Variants in EIF3E observed in about 807,000 individuals in gnomAD.
EIF3E encodes eIF-3 p48.
Under a neutral mutation model 59.3 loss-of-function variants are expected in EIF3E, and 25 were observed. The observed-to-expected ratio is 0.42, with a 90% confidence interval of 0.31 to 0.59. The LOEUF is 0.59. Among genes scored for constraint, EIF3E ranks in the 20% least tolerant of loss-of-function variants. The probability of loss-of-function intolerance (pLI) is 0.15; values close to 1 mark genes in which losing one functional copy is unlikely to be tolerated. For synonymous variants in EIF3E, 176 were observed against 170.2 expected, an observed-to-expected ratio of 1.03 and a Z score of -0.26; for missense variants, 317 against 534.3, an observed-to-expected ratio of 0.59 and a Z score of 4.01.
At chr8:108,229,787 A>G (rs529885858) in intron 5 of EIF3E, among the ~76,000 whole-genome samples, 29 of 152,216 alleles carry the variant, frequency 1.9e-4, no homozygotes, top group South Asian at 4.1e-4. Flanking sequence ...CAAAAACCCT[A>G]TATTTTTTTA....
At chr8:108,215,009 T>C (rs547270753) in intron 9 of EIF3E, among the ~76,000 whole-genome samples, 3 of 152,218 alleles carry the variant, frequency 2.0e-5, no homozygotes, top group Non-Finnish European at 4.4e-5. Flanking sequence ...GATAATGTTA[T>C]CTCTTCCAAC....
chr8:108,245,785 C>T (rs978801328), intron 1 of EIF3E, among the ~76,000 whole-genome samples: 1 of 152,132 alleles, frequency 6.6e-6, no homozygotes, highest in African/African-American at 2.4e-5. Context: ...CATAAAAAGC[C>T]TTTATGCCAG....
At chr8:108,239,767 C>A (rs1815801823) in intron 3 of EIF3E, among the ~76,000 whole-genome samples, 191 bp downstream of exon 3, 1 of 152,016 alleles carries the variant, frequency 6.6e-6, no homozygotes, top group Non-Finnish European at 1.5e-5. Flanking sequence ...AGGAAAAAAA[C>A]TTAGTGTTAA....
intron 7 of EIF3E, among the ~76,000 whole-genome samples, chr8:108,220,021 T>C (rs1007547991): frequency 8.6e-5 from 13 of 151,996 alleles, no homozygotes; most frequent in South Asian, 2.1e-4. Context: ...CAGGCACCTG[T>C]AATCCCTGCT....
chr8:108,233,958 C>T (rs143483107), intron 5 of EIF3E, among the ~76,000 whole-genome samples: 6 of 150,934 alleles, frequency 4.0e-5, no homozygotes, highest in African/African-American at 1.5e-4. Context: ...GTTTTGATAA[C>T]TGTAGAAGGC....
chr8:108,236,460 G>T (rs1815731182), intron 3 of EIF3E, among the ~76,000 whole-genome samples: 1 of 152,172 alleles, frequency 6.6e-6, no homozygotes, highest in Non-Finnish European at 1.5e-5. Context: ...CCACAACTAA[G>T]GTAAGGCCTT....
chr8:108,203,423 T>C lies in EIF3E; in HGVS notation c.1142A>G (p.Asp381Gly), dbSNP rs1815032413. Residue 381 changes from aspartate to glycine, a missense_variant, in exon 11 of 13, where the codon GAT (aspartate) becomes GGT (glycine). Asp to Gly is a moderately conservative substitution (Grantham distance 94, BLOSUM62 -1). Transcript: ENST00000220849. The stretch of plus-strand genomic sequence containing the variant: ...CACTAATTTAGAATCAATCTTGGCA[T>C]CCAGTCTTGCATTTCTAATCAAATT... ...IVNLIRNARL[D>G]AKIDSKLGHV... The C allele has an allele frequency of 1.2e-6, 2 of 1,612,016 alleles. No homozygotes were observed. Among genetic ancestry groups the C allele is most frequent in the Non-Finnish European group, 1.7e-6 (2 of 1,178,824 alleles).
chr8:108,204,708 T>G (rs1815057966), intron 10 of EIF3E, among the ~76,000 whole-genome samples: 1 of 146,450 alleles, frequency 6.8e-6, no homozygotes, highest in Admixed American at 6.9e-5. Flanking sequence ...TCCCTGGAGC[T>G]ATATACTATA....
In EIF3E at chr8:108,211,341, T is replaced by C. The variant is rs371590645; in HGVS notation, c.1061+3266A>G. On this transcript the variant is annotated intron_variant, in intron 10 of 12. Transcript: ENST00000220849. ...GTGGTTTTGATTTGCATTTCTCTGA[T>C]GGCCAGTGATGATGAGCATTTTTTC... 9.2e-5 allele frequency among the ~76,000 whole-genome samples: 14 copies of C among 152,340 alleles called. No homozygotes were observed. In the East Asian group the frequency reaches 2.3e-3, roughly 25 times the overall value.
At chr8:108,228,058 C>T (rs557134917) in intron 7 of EIF3E, 12 of 397,414 alleles carry the variant, frequency 3.0e-5, no homozygotes, top group Non-Finnish European at 5.2e-5. Flanking sequence ...CTTTAAATAG[C>T]ACTTTAAAAG....
intron 4 of EIF3E, 23 bp from the exon 5 acceptor site, chr8:108,235,125 A>T: frequency 6.9e-7 from 1 of 1,439,192 alleles, no homozygotes; most frequent in Non-Finnish European, 9.4e-7. Context: ...AAAAAAGATT[A>T]AGTTCTCTTT....
intron 10 of EIF3E, among the ~76,000 whole-genome samples, chr8:108,211,823 T>C (rs1475472405): frequency 6.6e-6 from 1 of 152,158 alleles, no homozygotes; most frequent in Admixed American, 6.5e-5. Context: ...TAAATCTGAT[T>C]CAATGGTTTA....
chr8:108,202,051 A>G, intron 12 of EIF3E, 128 bp from the exon 13 acceptor site: 1 of 742,590 alleles, frequency 1.3e-6, no homozygotes, highest in Non-Finnish European at 2.0e-6. Flanking sequence ...CTAAGATCTT[A>G]ACTCCTGCAA....
At chr8:108,204,846 T>C (rs1815069882) in intron 10 of EIF3E, among the ~76,000 whole-genome samples, 1 of 148,734 alleles carries the variant, frequency 6.7e-6, no homozygotes, top group Non-Finnish European at 1.5e-5. Context: ...GACCAGACCA[T>C]GAAGATCTTG....
chr8:108,244,234 A>C (rs867342545), intron 1 of EIF3E, among the ~76,000 whole-genome samples: 4 of 152,340 alleles, frequency 2.6e-5, no homozygotes, highest in Middle Eastern at 6.8e-3. Context: ...TTGGGGTATA[A>C]AGTTAATATT....
intron 10 of EIF3E, among the ~76,000 whole-genome samples, chr8:108,212,954 C>T (rs1391438308): frequency 6.6e-6 from 1 of 152,058 alleles, no homozygotes; most frequent in East Asian, 1.9e-4. Context: ...TGGAAAGCCA[C>T]TAGGACTTTA....
chr8:108,242,740 AAGAT>A (rs1471638945), intron 1 of EIF3E: 11 of 936,368 alleles, frequency 1.2e-5, no homozygotes, highest in Admixed American at 5.3e-5. Context: ...AAATGGCTAA[AAGAT>A]AGGCACTTCG....
chr8:108,203,209 TAATGC>T, intron 11 of EIF3E, 92 bp from the exon 12 acceptor site: 1 of 1,465,262 alleles, frequency 6.8e-7, no homozygotes, highest in South Asian at 1.3e-5. Flanking sequence ...GCGCATATTT[TAATGC>T]ACTGTATAGA....
At chr8:108,211,281 T>C (rs1466433425) in intron 10 of EIF3E, among the ~76,000 whole-genome samples, 4 of 152,188 alleles carry the variant, frequency 2.6e-5, no homozygotes, top group African/African-American at 4.8e-5. Flanking sequence ...TTTTTAATGA[T>C]CGCCATTCTA....
Sources: allele counts gnomAD v4.1 joint callset (sites outside exome capture counted in the v4.1 genomes callset), GRCh38; gene constraint gnomAD v4.1.1; transcripts MANE v1.5; gene names NCBI Gene and HGNC (gene_info 2026-07-23, HGNC 2026-07-21).